The following AFF2 variants were observed in gnomAD, a reference collection of about 807,000 sequenced individuals.
AFF2 encodes the protein AF4/FMR2 family member 2.
A neutral mutation model predicts 76.9 loss-of-function variants in AFF2; 14 were observed. That is an observed-to-expected ratio of 0.18 (90% CI 0.12 to 0.28). AFF2 has a LOEUF of 0.28. Ranked by LOEUF, AFF2 falls within the 10% of genes least tolerant of loss-of-function variation. The pLI is 1.00. For synonymous variants in AFF2, 398 were observed against 366.7 expected, an observed-to-expected ratio of 1.09 and a Z score of -0.98; for missense variants, 868 against 1,001.1, an observed-to-expected ratio of 0.87 and a Z score of 1.79.
rs1021136727 is a variant in AFF2 at position 148,809,917 on chromosome X, G to A, written c.1083G>A (p.Leu361=). The A allele has an allele frequency of 1.7e-6, 2 of 1,210,108 alleles. No homozygotes were observed. Among genetic ancestry groups the A allele is most frequent in the Non-Finnish European group, 2.2e-6 (2 of 894,339 alleles). ...ATCCAAGCTGTGTTGAAGAAATCTT[G>A]CGGGTGAGTTTAAACCTTTATTTTT... ...PSDPSCVEEI[L]REMTHSWPTP... is the part of the protein sequence containing the mutation. Residue 361 remains leucine, a synonymous_variant, in exon 4 of 21, where the codon TTG becomes TTA. Transcript: ENST00000370460.
chrX:148,578,781 G>T (rs192091356), intron 1 of AFF2, among the ~76,000 whole-genome samples: 29 of 112,033 alleles, frequency 2.6e-4, no homozygotes, highest in Non-Finnish European at 4.9e-4. Flanking sequence ...TTTGAATATG[G>T]ACTGTGAAAC....
chrX:148,896,949 A>T (rs781991950), intron 8 of AFF2, among the ~76,000 whole-genome samples: 33 of 107,858 alleles, frequency 3.1e-4, no homozygotes, highest in Non-Finnish European at 5.6e-4. Context: ...CTTTTGATTA[A>T]TGAGAAAGTA....
intron 3 of AFF2, among the ~76,000 whole-genome samples, chrX:148,764,776 C>T (rs781994671): frequency 2.7e-5 from 3 of 112,267 alleles, no homozygotes; most frequent in African/African-American, 6.5e-5. Context: ...GTGATACAAT[C>T]CTGCTTTTTT....
chrX:148,870,460 C>T (rs1320578612), intron 7 of AFF2, among the ~76,000 whole-genome samples: 2 of 112,427 alleles, frequency 1.8e-5, no homozygotes, highest in Non-Finnish European at 3.8e-5. Flanking sequence ...TTTGACCAAG[C>T]CTGGCTTGTG....
At chrX:148,645,621 G>C (rs1269275998) in intron 1 of AFF2, among the ~76,000 whole-genome samples, 1 of 112,460 alleles carries the variant, frequency 8.9e-6, no homozygotes, top group Non-Finnish European at 1.9e-5. Flanking sequence ...GTATTTGTTA[G>C]AGAGATGACA....
At chrX:148,807,355 G>A (rs73605980) in intron 3 of AFF2, among the ~76,000 whole-genome samples, 1,217 of 111,753 alleles carry the variant, frequency 0.011, 10 homozygotes, top group African/African-American at 0.037. Flanking sequence ...TGGGCTTTGC[G>A]GATTACAAAG....
chrX:148,989,890 C>A (rs1191100214), intron 20 of AFF2, among the ~76,000 whole-genome samples: 1 of 111,884 alleles, frequency 8.9e-6, no homozygotes, highest in African/African-American at 3.3e-5. Flanking sequence ...ACCTGCCCAG[C>A]TGCTTATACT....
Position 148,955,703 on chromosome X carries a change from T to G in AFF2, c.1658T>G (p.Met553Arg). The change falls in exon 11 of 21, where the codon ATG becomes AGG. Residue 553 changes from methionine (M) to arginine (R), a missense_variant. This residue lies in a region of AFF2 where 532 missense variants were observed against 564.2 expected (regional missense o/e 0.94). Coordinates refer to ENST00000370460, the MANE Select transcript of AFF2 (RefSeq NM_002025.4). ...SFICGQNETPMETISLPPPII... is the reference protein window; with the variant it reads ...SFICGQNETPRETISLPPPII... Reference sequence around the variant, plus strand: ...ATTTGTGGCCAAAATGAAACACCCATGGAGACTATTTCTCTGCCTCCTCCA... The same window carrying G: ...ATTTGTGGCCAAAATGAAACACCCAGGGAGACTATTTCTCTGCCTCCTCCA... 8.3e-7 allele frequency: 1 copy of G among 1,211,526 alleles called. No homozygotes were observed. The highest frequency in any genetic ancestry group is 3.0e-5 in the East Asian group (1 of 33,845).
chrX:148,761,179 A>G lies in AFF2; in HGVS notation c.1042-48697A>G, dbSNP rs1380664723. On this transcript the variant is annotated intron_variant, in intron 3 of 20. Coordinates refer to ENST00000370460, the MANE Select transcript of AFF2 (RefSeq NM_002025.4). Reference sequence around the variant, plus strand: ...TCCTGTGTTTCACTTTACTTCCTCAATGTACAAAAATATAGCTGGACGAAA... The same window carrying G: ...TCCTGTGTTTCACTTTACTTCCTCAGTGTACAAAAATATAGCTGGACGAAA... Among the ~76,000 whole-genome samples, 3 of 112,192 alleles carry G rather than the reference A, an allele frequency of 2.7e-5. No individual in the cohort carries two copies. In the East Asian group the frequency reaches 8.3e-4, roughly 31 times the overall value.
At chrX:148,630,594 A>G (rs892576657) in intron 1 of AFF2, among the ~76,000 whole-genome samples, 5 of 111,259 alleles carry the variant, frequency 4.5e-5, no homozygotes, top group African/African-American at 1.6e-4. Flanking sequence ...TCTTTTGGGC[A>G]CTTCCCTCCA....
chrX:148,980,719 T>C lies in AFF2; in HGVS notation c.3571-19T>C. ...AAATAGATGTCCTTATTTCCCTTTC[T>C]CTTCTCTCTCTCTTTTAGCAAAATG... On this transcript the variant is annotated intron_variant, in intron 18 of 20. Transcript: ENST00000370460. 5 of 1,178,255 alleles carry C rather than the reference T, an allele frequency of 4.2e-6. No individual in the cohort carries two copies. Among genetic ancestry groups the C allele is most frequent in the Non-Finnish European group, 5.8e-6 (5 of 868,971 alleles).
At chrX:148,844,957 A>G (rs1310966257) in intron 7 of AFF2, among the ~76,000 whole-genome samples, 3 of 112,124 alleles carry the variant, frequency 2.7e-5, no homozygotes, top group African/African-American at 6.5e-5. Flanking sequence ...CACAAAAATC[A>G]AAATCATCTT....
At chrX:148,658,395 T>G (rs1397148857) in intron 2 of AFF2, among the ~76,000 whole-genome samples, 1 of 111,669 alleles carries the variant, frequency 9.0e-6, no homozygotes, top group East Asian at 2.8e-4. Context: ...AGGAAACTAG[T>G]CTAAGGGAGA....
At chrX:148,525,074 A>G (rs1272608713) in intron 1 of AFF2, among the ~76,000 whole-genome samples, 1 of 112,422 alleles carries the variant, frequency 8.9e-6, no homozygotes, top group Non-Finnish European at 1.9e-5. Context: ...TTAGGAAAAA[A>G]TAATTATAGT....
At chrX:148,866,227 T>G (rs2070904757) in intron 7 of AFF2, among the ~76,000 whole-genome samples, 1 of 112,201 alleles carries the variant, frequency 8.9e-6, no homozygotes, top group Non-Finnish European at 1.9e-5. Context: ...GTAAGATTCT[T>G]TGCCTAGGAT....
At chrX:148,966,677 C>CT (rs111499310) in intron 13 of AFF2, 113 bp from the exon 14 acceptor site, 28,142 of 987,527 alleles carry the variant, frequency 0.028, 652 homozygotes, top group African/African-American at 0.17. Context: ...TGTTTTCTTT[C>CT]TTTTTTTTTT....
chrX:148,542,675 G>T (rs1466659397), intron 1 of AFF2, among the ~76,000 whole-genome samples: 1 of 111,859 alleles, frequency 8.9e-6, no homozygotes, highest in Non-Finnish European at 1.9e-5. Context: ...GCTGTCAGGG[G>T]AAGGCAGTCA....
intron 15 of AFF2, among the ~76,000 whole-genome samples, chrX:148,971,747 C>CTTTTTTTTTTTTTTTTTTTATTTT (rs2072257378): frequency 8.9e-5 from 4 of 44,729 alleles, no homozygotes; most frequent in African/African-American, 3.8e-4. Flanking sequence ...TTTTCTATTT[C>CTTTTTTTTTTTTTTTTTTTATTTT]TTTTTTTTTT....
chrX:148,741,688 G>A (rs1603292394), intron 3 of AFF2, among the ~76,000 whole-genome samples: 1 of 111,094 alleles, frequency 9.0e-6, no homozygotes, highest in Non-Finnish European at 1.9e-5. Context: ...TTGTTACAAA[G>A]TCCAGCTAAA....
Sources: gnomAD v4.1 joint callset for allele counts (sites outside exome capture counted in the v4.1 genomes callset) on GRCh38, gnomAD v4.1.1 for gene constraint, gnomAD v4.1.1 regional missense constraint, MANE v1.5 for transcripts, NCBI Gene and HGNC (gene_info 2026-07-23, HGNC 2026-07-21) for gene names.